GPHN: variants seen among roughly 807,000 people sequenced by gnomAD.
The protein encoded by GPHN is gephyrin.
Under a neutral mutation model 95.5 loss-of-function variants are expected in GPHN, and 17 were observed. That is an observed-to-expected ratio of 0.18 (90% CI 0.12 to 0.27). The LOEUF is 0.27. Ranked by LOEUF, GPHN falls within the 10% of genes least tolerant of loss-of-function variation. The pLI, the probability that GPHN is intolerant of heterozygous loss-of-function variation, is 1.00. For synonymous variants in GPHN, 320 were observed against 322.5 expected, an observed-to-expected ratio of 0.99 and a Z score of 0.08; for missense variants, 660 against 978.1, an observed-to-expected ratio of 0.67 and a Z score of 4.34.
At chr14:67,585,532 A>T in the GPHN span, 1 of 1,353,988 alleles carries the variant, frequency 7.4e-7, no homozygotes, top group Non-Finnish European at 1.0e-6. Flanking sequence ...ATCTCTAACT[A>T]TGGATATATC....
intron 8 of GPHN, among the ~76,000 whole-genome samples, chr14:66,938,667 A>G (rs915742740): frequency 3.9e-5 from 6 of 152,180 alleles, no homozygotes; most frequent in Admixed American, 3.9e-4. Flanking sequence ...ATTTGGTACA[A>G]TTCTTTCCAT....
chr14:66,605,128 T>C (rs1348026810), intron 1 of GPHN, among the ~76,000 whole-genome samples: 2 of 152,178 alleles, frequency 1.3e-5, no homozygotes, highest in African/African-American at 4.8e-5. Context: ...TGATTCCATA[T>C]CTTTGCGATC....
chr14:66,690,293 G>A (rs982738902), intron 2 of GPHN, among the ~76,000 whole-genome samples: 4 of 151,866 alleles, frequency 2.6e-5, no homozygotes, highest in East Asian at 3.9e-4. Flanking sequence ...ATTGACCCAC[G>A]TTCATTGTAG....
intron 12 of GPHN, among the ~76,000 whole-genome samples, chr14:67,097,896 A>G (rs570229588): frequency 6.6e-6 from 1 of 152,296 alleles, no homozygotes; most frequent in African/African-American, 2.4e-5. Context: ...CAGTACATAT[A>G]AATATACATA....
chr14:66,548,061 G>A (rs2059667381), intron 1 of GPHN, among the ~76,000 whole-genome samples: 1 of 150,766 alleles, frequency 6.6e-6, no homozygotes, highest in Admixed American at 6.6e-5. Context: ...TTAACAACGT[G>A]TACTCACTTC....
chr14:67,199,545 T>A, the GPHN span: 1 of 1,607,832 alleles, frequency 6.2e-7, no homozygotes, highest in Non-Finnish European at 8.5e-7. Context: ...ATTGAAGCCA[T>A]GAATGGGCAG....
At chr14:66,868,405 T>G (rs1411753971) in intron 4 of GPHN, among the ~76,000 whole-genome samples, 3 of 152,078 alleles carry the variant, frequency 2.0e-5, no homozygotes, top group Non-Finnish European at 4.4e-5. Context: ...TCTTTACGGG[T>G]TTTTTTAAGA....
intron 9 of GPHN, among the ~76,000 whole-genome samples, chr14:67,008,015 A>G (rs553427321): frequency 6.6e-6 from 1 of 152,336 alleles, no homozygotes; most frequent in South Asian, 2.1e-4. Context: ...AGTTTATAGA[A>G]CAAAGGTGAG....
the GPHN span, chr14:67,202,979 T>C: frequency 1.8e-6 from 2 of 1,115,528 alleles, no homozygotes; most frequent in Non-Finnish European, 2.5e-6. Flanking sequence ...GGAACAAATA[T>C]ATCATGGTTC....
At chr14:66,828,661 G>GA (rs983730192) in intron 4 of GPHN, among the ~76,000 whole-genome samples, 7 of 150,496 alleles carry the variant, frequency 4.7e-5, no homozygotes, top group African/African-American at 9.8e-5. Context: ...TGTGTTGTAA[G>GA]AAAAAAAATG....
intron 2 of GPHN, among the ~76,000 whole-genome samples, chr14:66,711,539 C>T (rs1438104560): frequency 1.3e-5 from 2 of 150,352 alleles, no homozygotes; most frequent in South Asian, 2.1e-4. Flanking sequence ...GACTTCTTTT[C>T]CTCTGGGTAG....
intron 2 of GPHN, among the ~76,000 whole-genome samples, chr14:66,751,007 CT>C (rs886748230): frequency 1.1e-4 from 17 of 150,458 alleles, no homozygotes; most frequent in Admixed American, 4.7e-4. Context: ...TTATAGCATT[CT>C]TTTTTTTTAG....
chr14:67,356,217 C>T, the GPHN span, among the ~76,000 whole-genome samples: 1 of 151,920 alleles, frequency 6.6e-6, no homozygotes. Context: ...GTCAGGAGTT[C>T]GAGACCACCC....
chr14:67,106,893 G>A (rs1415372333), intron 13 of GPHN, among the ~76,000 whole-genome samples: 1 of 151,466 alleles, frequency 6.6e-6, no homozygotes, highest in African/African-American at 2.4e-5. Flanking sequence ...TTGCTTTTTT[G>A]TGTTTCTTGT....
At chr14:67,681,681 C>T in the GPHN span, among the ~76,000 whole-genome samples, 1 of 152,110 alleles carries the variant, frequency 6.6e-6, no homozygotes, top group Non-Finnish European at 1.5e-5. Flanking sequence ...ACTCGGGAGG[C>T]TGAGACAGGA....
At chr14:67,133,543 G>C (rs1235977080) in intron 17 of GPHN, among the ~76,000 whole-genome samples, 1 of 152,086 alleles carries the variant, frequency 6.6e-6, no homozygotes, top group African/African-American at 2.4e-5. Context: ...ATAGTAATTT[G>C]AGGCAGATGT....
At chr14:66,862,131 A>T (rs1334903523) in intron 4 of GPHN, among the ~76,000 whole-genome samples, 5 of 151,858 alleles carry the variant, frequency 3.3e-5, no homozygotes, top group Non-Finnish European at 7.4e-5. Context: ...ATACAAATAA[A>T]CAAAATCAAA....
chr14:67,675,139 C>G, the GPHN span, among the ~76,000 whole-genome samples: 1 of 152,180 alleles, frequency 6.6e-6, no homozygotes, highest in Non-Finnish European at 1.5e-5. Context: ...GGAAAGATAG[C>G]CGGGCCAGGG....
chr14:67,150,885 A>G (rs1195446048), intron 18 of GPHN, among the ~76,000 whole-genome samples: 2 of 152,126 alleles, frequency 1.3e-5, no homozygotes, highest in South Asian at 2.1e-4. Context: ...AACTGGAATT[A>G]TTAAGTTAGT....
Sources: allele counts gnomAD v4.1 joint callset (sites outside exome capture counted in the v4.1 genomes callset), GRCh38; gene constraint gnomAD v4.1.1; transcripts MANE v1.5; gene names NCBI Gene and HGNC (gene_info 2026-07-23, HGNC 2026-07-21).